The following IL7R variants were observed in gnomAD, a reference collection of about 807,000 sequenced individuals.
IL7R encodes interleukin 7 receptor.
IL7R carries 38 observed loss-of-function variants against 47.0 expected under a neutral mutation model. The ratio of observed to expected loss-of-function variants is 0.81; its 90% CI spans 0.62 to 1.06. The LOEUF is 1.06. IL7R is among the 50% of genes least tolerant of loss of function. The pLI is 0.00. For synonymous variants in IL7R, 221 were observed against 199.8 expected, an observed-to-expected ratio of 1.11 and a Z score of -0.89; for missense variants, 633 against 534.8, an observed-to-expected ratio of 1.18 and a Z score of -1.81.
At position 35,875,556 on chromosome 5, in the gene IL7R, C is replaced by T. The variant is rs373309714; in HGVS notation, c.845C>T (p.Thr282Ile). 19 of 1,613,622 alleles carry T rather than the reference C, an allele frequency of 1.2e-5. No individual in the cohort carries two copies. Among genetic ancestry groups the T allele is most frequent in the Non-Finnish European group, 3.4e-6 (4 of 1,179,558 alleles). ...CCCAGTCTCCCCGATCATAAGAAGA[C>T]TCTGGAACATCTTTGTAAGAAACCA... ...VWPSLPDHKK[T>I]LEHLCKKPRK... Residue 282 changes from threonine (T) to isoleucine (I), a missense_variant, in exon 7 of 8, where the codon ACT (threonine) becomes ATT (isoleucine). By Grantham distance (89) the Thr-to-Ile change is moderately conservative. Coordinates refer to ENST00000303115, the MANE Select transcript of IL7R (RefSeq NM_002185.5).
At chr5:35,865,283 A>G (rs1759913528) in intron 2 of IL7R, among the ~76,000 whole-genome samples, 1 of 152,208 alleles carries the variant, frequency 6.6e-6, no homozygotes, top group African/African-American at 2.4e-5. Context: ...TATAAAGGAC[A>G]TGAACTCATC....
At chr5:35,859,054 G>A (rs1759733371) in intron 1 of IL7R, among the ~76,000 whole-genome samples, 1 of 152,148 alleles carries the variant, frequency 6.6e-6, no homozygotes, top group South Asian at 2.1e-4. Context: ...AATTTTTCTT[G>A]GTTACAAAGC....
rs1335594796 is a variant in IL7R, at chr5:35,879,250, T to C, written c.*2764T>C. ...TTTCCTACCAGCCTTTGCCTCTTCC[T>C]TCAATGTGGTTTCCATGGGAATTTG... is the stretch of plus-strand genomic sequence containing the variant. On this transcript the variant is annotated 3_prime_UTR_variant, in exon 8 of 8. Transcript: ENST00000303115. The C allele has an allele frequency of 8.6e-6, 2 of 232,854 alleles. No individual in the cohort carries two copies. Among genetic ancestry groups the C allele is most frequent in the African/African-American group, 4.4e-5 (2 of 45,338 alleles). 14.4% of individuals were successfully genotyped at this position (232,854 alleles called of 1,614,324 possible). A position where few individuals can be genotyped will look rare whatever the true frequency, so the allele number is the denominator to read the frequency against.
At chr5:35,857,808 A>G (rs2149894012) in intron 1 of IL7R, among the ~76,000 whole-genome samples, 1 of 152,300 alleles carries the variant, frequency 6.6e-6, no homozygotes, top group Admixed American at 6.5e-5. Flanking sequence ...AGAAGCTTCT[A>G]ACAGCAGCAG....
chr5:35,875,714 C>T, intron 7 of IL7R, 127 bp downstream of exon 7: 1 of 824,314 alleles, frequency 1.2e-6, no homozygotes, highest in Non-Finnish European at 2.1e-6. Flanking sequence ...ACTAGGGTCC[C>T]TCCTAAGACC....
In IL7R at chr5:35,876,080, A is replaced by G. The variant is rs1760199782; in HGVS notation, c.974A>G (p.Gln325Arg). ...QARDEVEGFLQDTFPQQLEES... is the reference protein window; with the variant it reads ...QARDEVEGFLRDTFPQQLEES... Reference sequence around the variant, plus strand: ...AGAGATGAAGTGGAAGGTTTTCTGCAAGATACGTTTCCTCAGCAACTAGAA... The same window carrying G: ...AGAGATGAAGTGGAAGGTTTTCTGCGAGATACGTTTCCTCAGCAACTAGAA... Residue 325 changes from glutamine (Q) to arginine (R), a missense_variant, in exon 8 of 8, where the codon CAA becomes CGA. Transcript: ENST00000303115. 8.7e-6 allele frequency: 14 copies of G among 1,614,232 alleles called. No individual in the cohort carries two copies. In the East Asian group the frequency reaches 2.9e-4, roughly 33 times the overall value.
chr5:35,863,830 C>T (rs1759878819), intron 2 of IL7R, among the ~76,000 whole-genome samples: 1 of 151,946 alleles, frequency 6.6e-6, no homozygotes, highest in Non-Finnish European at 1.5e-5. Context: ...GAATATATAC[C>T]TTTGTTACTT....
chr5:35,867,542 A>G (rs896674510), intron 3 of IL7R, 79 bp downstream of exon 3: 1 of 1,123,334 alleles, frequency 8.9e-7, no homozygotes, highest in South Asian at 1.2e-5. Flanking sequence ...CTGTAGGTTA[A>G]AAGTAGACAA....
rs200086692 is a variant in IL7R, at chr5:35,874,486, G to C, written c.744G>C (p.Leu248Phe). The change falls in exon 6 of 8, where the codon TTG becomes TTC. Residue 248 changes from leucine to phenylalanine, a missense_variant. By Grantham distance (22) the Leu-to-Phe change is conservative. Coordinates refer to ENST00000303115, the MANE Select transcript of IL7R (RefSeq NM_002185.5). ...CTATCTTACTAACCATCAGCATTTT[G>C]AGTTTTTTCTCTGTCGCTCTGTTGG... Reference protein sequence around the residue: ...MDPILLTISILSFFSVALLVI... With the variant: ...MDPILLTISIFSFFSVALLVI... 14 of 1,613,590 alleles carry C rather than the reference G, an allele frequency of 8.7e-6. No individual in the cohort carries two copies. Among genetic ancestry groups the C allele is most frequent in the South Asian group, 4.4e-5 (4 of 91,068 alleles).
chr5:35,875,446 T>C (rs1314385729), intron 6 of IL7R, 66 bp from the exon 7 acceptor site: 8 of 1,069,862 alleles, frequency 7.5e-6, no homozygotes, highest in African/African-American at 1.6e-5. Flanking sequence ...TCAGAATAAG[T>C]GGGAAGACTC....
chr5:35,879,385 C>A lies in IL7R; in HGVS notation c.*2899C>A, dbSNP rs1269120409. 4.3e-6 allele frequency: 1 copy of A among 232,782 alleles called. No individual in the cohort carries two copies. 14.4% of individuals were successfully genotyped at this position (232,782 alleles called of 1,614,324 possible). A position where few individuals can be genotyped will look rare whatever the true frequency, so the allele number is the denominator to read the frequency against. On this transcript the variant is annotated 3_prime_UTR_variant, in exon 8 of 8. Transcript: ENST00000303115. ...GGGCCAGGAAGAATATGTGGCAGAG[C>A]TCCTGGAAATGATGCAGATTAGGTG...
intron 2 of IL7R, among the ~76,000 whole-genome samples, chr5:35,866,205 A>G (rs1248698622): frequency 6.6e-6 from 1 of 152,172 alleles, no homozygotes; most frequent in African/African-American, 2.4e-5. Context: ...TAGTCTGTTA[A>G]CATGGCAAAT....
chr5:35,875,852 C>A lies in IL7R; in HGVS notation c.877-131C>A, dbSNP rs7704710. On this transcript the variant is annotated intron_variant, in intron 7 of 7. Coordinates refer to ENST00000303115, the MANE Select transcript of IL7R (RefSeq NM_002185.5). ...TCAGAAGCTCCAGAAGCAAAGAGTCCATTGAGGAACATGCTGGCAATTCTG... is the reference window on the plus strand; with the variant it reads ...TCAGAAGCTCCAGAAGCAAAGAGTCAATTGAGGAACATGCTGGCAATTCTG... 5.4e-3 allele frequency: 5,533 copies of A among 1,018,962 alleles called. 194 individuals carry two copies. The African/African-American group carries it at 0.076, about 14-fold the overall frequency. The allele number at this position is 1,018,962 out of a possible 1,614,324, so 63.1% of individuals were successfully genotyped here.
Position 35,878,497 on chromosome 5 carries a change from C to A in IL7R, c.*2011C>A. ...TGAAAGTGCCCTGTTGGAGACAGGG[C>A]AAATGCCACAAAAATGATGTAAATT... On this transcript the variant is annotated 3_prime_UTR_variant, in exon 8 of 8. Coordinates refer to ENST00000303115, the MANE Select transcript of IL7R (RefSeq NM_002185.5). 1 of 232,792 alleles carries A rather than the reference C, an allele frequency of 4.3e-6. No homozygotes were observed. The highest frequency in any genetic ancestry group is 6.1e-5 in the East Asian group (1 of 16,514). 14.4% of individuals were successfully genotyped at this position (232,792 alleles called of 1,614,324 possible). A position where few individuals can be genotyped will look rare whatever the true frequency, so the allele number is the denominator to read the frequency against.
intron 1 of IL7R, 57 bp downstream of exon 1, chr5:35,857,116 G>T: frequency 9.2e-7 from 1 of 1,092,724 alleles, no homozygotes; most frequent in Non-Finnish European, 1.4e-6. Flanking sequence ...ATGGTTTCAG[G>T]TTATTCAGTT....
chr5:35,871,217 TG>T lies in IL7R; in HGVS notation c.537+5del. 6.2e-7 allele frequency: 1 copy of T among 1,608,130 alleles called. No homozygotes were observed. Among genetic ancestry groups the T allele is most frequent in the Non-Finnish European group, 8.5e-7 (1 of 1,174,880 alleles). On this transcript the variant is annotated splice_donor_5th_base_variant and intron_variant, in intron 4 of 7. Transcript: ENST00000303115. ...AAAGGATGAAAACAAATGGACGGTATGTAGTTCAACTACATTAATAAAATAA... is the reference window on the plus strand; with the variant it reads ...AAAGGATGAAAACAAATGGACGGTATTAGTTCAACTACATTAATAAAATAA...
intron 2 of IL7R, among the ~76,000 whole-genome samples, chr5:35,865,785 G>A (rs569284230): frequency 2.6e-5 from 4 of 152,050 alleles, no homozygotes; most frequent in South Asian, 2.1e-4. Flanking sequence ...CCATCAAAAA[G>A]TGGGCAAAGG....
At chr5:35,859,505 T>C (rs1437970802) in intron 1 of IL7R, among the ~76,000 whole-genome samples, 2 of 152,108 alleles carry the variant, frequency 1.3e-5, no homozygotes, top group African/African-American at 4.8e-5. Flanking sequence ...TAAAGAGCTT[T>C]TGCTGGTGGC....
chr5:35,875,425 T>C lies in IL7R; in HGVS notation c.801-87T>C, dbSNP rs762248049. On this transcript the variant is annotated intron_variant, in intron 6 of 7. Transcript: ENST00000303115. ...AGCCAAGACTAGAAATCTGTTCTTC[T>C]GATTCCAAGCTCAGAATAAGTGGGA... 7 of 952,546 alleles carry C rather than the reference T, an allele frequency of 7.3e-6. No homozygotes were observed. The East Asian group carries it at 1.5e-4, about 20-fold the overall frequency. 59.0% of individuals were successfully genotyped at this position (952,546 alleles called of 1,614,324 possible).
Sources: gnomAD v4.1 joint callset for allele counts (sites outside exome capture counted in the v4.1 genomes callset) on GRCh38, gnomAD v4.1.1 for gene constraint, MANE v1.5 for transcripts, NCBI Gene and HGNC (gene_info 2026-07-23, HGNC 2026-07-21) for gene names.